The following TBC1D8 variants were observed in gnomAD, a reference collection of about 807,000 sequenced individuals.
TBC1D8 encodes the protein BUB2-like protein 1.
In TBC1D8, 65 loss-of-function variants were observed where a neutral mutation model predicts 118.8. That is an observed-to-expected ratio of 0.55 (90% CI 0.45 to 0.67). The LOEUF is 0.67. Among genes scored for constraint, TBC1D8 ranks in the 30% least tolerant of loss-of-function variants. TBC1D8 has a pLI of 0.00. For missense variants in TBC1D8, 1,376 were observed against 1,471.2 expected (o/e 0.94, Z 1.06); for synonymous variants, 566 against 595.8 (o/e 0.95, Z 0.73).
At chr2:101,141,491 T>C (rs1414608385) in intron 1 of TBC1D8, among the ~76,000 whole-genome samples, 1 of 152,088 alleles carries the variant, frequency 6.6e-6, no homozygotes, top group African/African-American at 2.4e-5. Context: ...GAACGCTGGG[T>C]TGGGGGAGGG....
chr2:101,107,625 A>G (rs1326758093), intron 1 of TBC1D8, among the ~76,000 whole-genome samples: 1 of 152,210 alleles, frequency 6.6e-6, no homozygotes. Context: ...CCTAGAAGCA[A>G]TGAGCACACA....
At chr2:101,037,236 CT>C (rs1458274611) in intron 8 of TBC1D8, among the ~76,000 whole-genome samples, 2 of 152,198 alleles carry the variant, frequency 1.3e-5, no homozygotes, top group African/African-American at 4.8e-5. Flanking sequence ...ACAGCACTGG[CT>C]GGAAGGAGAG....
chr2:101,045,563 A>C (rs1681646494), intron 5 of TBC1D8, among the ~76,000 whole-genome samples: 1 of 152,226 alleles, frequency 6.6e-6, no homozygotes, highest in Non-Finnish European at 1.5e-5. Flanking sequence ...GGGACTTCCC[A>C]TGTGTGCACT....
At chr2:101,014,912 C>T (rs1311743216) in intron 17 of TBC1D8, among the ~76,000 whole-genome samples, 1 of 152,142 alleles carries the variant, frequency 6.6e-6, no homozygotes, top group Admixed American at 6.5e-5. Context: ...TTAAACACCT[C>T]CCATTCCATA....
At chr2:101,079,723 T>A (rs1345425851) in intron 2 of TBC1D8, among the ~76,000 whole-genome samples, 23 of 140,718 alleles carry the variant, frequency 1.6e-4, no homozygotes, top group African/African-American at 5.4e-4. Context: ...TCTTGCTCTG[T>A]CGCCCAGGCT....
intron 2 of TBC1D8, among the ~76,000 whole-genome samples, chr2:101,067,911 T>C (rs1376244170): frequency 6.6e-6 from 1 of 152,240 alleles, no homozygotes; most frequent in Non-Finnish European, 1.5e-5. Context: ...AAATCCTTTG[T>C]TGTCATTTCA....
chr2:101,013,979 A>G (rs1402751803), intron 17 of TBC1D8, among the ~76,000 whole-genome samples: 1 of 152,236 alleles, frequency 6.6e-6, no homozygotes, highest in Non-Finnish European at 1.5e-5. Flanking sequence ...ATTCCAATAC[A>G]GCCAAGTCAT....
rs534689898 is a variant in TBC1D8, at chr2:101,095,522, G to A, written c.128-5158C>T. The stretch of plus-strand genomic sequence containing the variant: ...GCGGTGTTTGGTTTTTTGTCCTTGC[G>A]ATAGTTTGCTGAGAATGATGGTTTC... On this transcript the variant is annotated intron_variant, in intron 1 of 19. Coordinates refer to ENST00000409318, the MANE Select transcript of TBC1D8 (RefSeq NM_001330348.2). Among the ~76,000 whole-genome samples the A allele has an allele frequency of 9.3e-5, 14 of 150,552 alleles. No homozygotes were observed. In the East Asian group the frequency reaches 2.0e-3, roughly 21 times the overall value.
Position 101,086,963 on chromosome 2 carries a change from T to C in TBC1D8, c.283+3246A>G, listed in dbSNP as rs540869672. ...CACCCCTGGCTAATTTCTGTACTTT[T>C]AGTAGAGATGGGGTTTCCCCATGTT... On this transcript the variant is annotated intron_variant, in intron 2 of 19. Transcript: ENST00000409318. Among the ~76,000 whole-genome samples the C allele has an allele frequency of 4.6e-5, 7 of 151,934 alleles. No homozygotes were observed. The South Asian group carries it at 1.2e-3, about 27-fold the overall frequency.
At chr2:101,017,945 C>T in intron 17 of TBC1D8, 3 of 1,549,958 alleles carry the variant, frequency 1.9e-6, no homozygotes, top group Non-Finnish European at 2.6e-6. Flanking sequence ...GCATTTTCTT[C>T]TCTACTTGGT....
chr2:101,109,538 T>TCCGTCCTTTTA (rs1215108676), intron 1 of TBC1D8, among the ~76,000 whole-genome samples: 1 of 152,124 alleles, frequency 6.6e-6, no homozygotes, highest in African/African-American at 2.4e-5. Flanking sequence ...CCCTACTTAG[T>TCCGTCCTTTTA]CCGTCCTTTT....
At chr2:101,123,080 AGAGCAGGAAACT>A (rs1678199241) in intron 1 of TBC1D8, among the ~76,000 whole-genome samples, 1 of 152,200 alleles carries the variant, frequency 6.6e-6, no homozygotes, top group Non-Finnish European at 1.5e-5. Flanking sequence ...TACCTAAAAC[AGAGCAGGAAACT>A]GGGCATGGTG....
At chr2:101,054,672 C>CTTTCTTTTTTTTTTTTTTTTTT (rs1682299045) in intron 3 of TBC1D8, among the ~76,000 whole-genome samples, 1 of 25,436 alleles carries the variant, frequency 3.9e-5, no homozygotes, top group East Asian at 1.5e-3. Flanking sequence ...CTTTTCTTTT[C>CTTTCTTTTTTTTTTTTTTTTTT]TTTTTTTTTT....
At chr2:101,116,001 A>G (rs772134401) in intron 1 of TBC1D8, among the ~76,000 whole-genome samples, 1 of 152,240 alleles carries the variant, frequency 6.6e-6, no homozygotes, top group Non-Finnish European at 1.5e-5. Flanking sequence ...GCTGATTATT[A>G]CCAAAGCTCT....
chr2:101,017,343 A>G (rs929058475), intron 17 of TBC1D8, among the ~76,000 whole-genome samples: 1 of 152,166 alleles, frequency 6.6e-6, no homozygotes, highest in Non-Finnish European at 1.5e-5. Flanking sequence ...TAAACCAATA[A>G]CATTCATTAT....
Position 101,008,110 on chromosome 2 carries a change from C to G in TBC1D8, c.3179G>C (p.Gly1060Ala). ...SSSGSCSQEC[G>A]EELRASAPSP... Reference sequence around the variant, plus strand: ...AGGAGCTGAAGCCCGCAGCTCCTCCCCACACTCCTGGGAGCAGCTTCCAGA... The same window carrying G: ...AGGAGCTGAAGCCCGCAGCTCCTCCGCACACTCCTGGGAGCAGCTTCCAGA... Residue 1060 changes from glycine to alanine, a missense_variant, in exon 20 of 20, where the codon GGG (glycine) becomes GCG (alanine). By Grantham distance (60) the Gly-to-Ala change is moderately conservative. Coordinates refer to ENST00000409318, the MANE Select transcript of TBC1D8 (RefSeq NM_001330348.2). 1.2e-6 allele frequency: 2 copies of G among 1,613,862 alleles called. No individual in the cohort carries two copies. The highest frequency in any genetic ancestry group is 2.2e-5 in the South Asian group (2 of 91,072).
At chr2:101,131,140 T>C (rs973759562) in intron 1 of TBC1D8, among the ~76,000 whole-genome samples, 4 of 152,158 alleles carry the variant, frequency 2.6e-5, no homozygotes, top group African/African-American at 9.7e-5. Context: ...TTGGCTTAAG[T>C]CATCCTCCCA....
intron 5 of TBC1D8, among the ~76,000 whole-genome samples, chr2:101,049,342 A>G (rs186101147): frequency 6.6e-6 from 1 of 152,344 alleles, no homozygotes; most frequent in African/African-American, 2.4e-5. Flanking sequence ...GACTTACACT[A>G]TTAGTGAGGC....
At chr2:101,059,348 G>A (rs933639702) in intron 3 of TBC1D8, 73 bp downstream of exon 3, 11 of 1,198,634 alleles carry the variant, frequency 9.2e-6, no homozygotes, top group Non-Finnish European at 1.3e-5. Context: ...CTGTTAGTAT[G>A]CTACAGTGTT....
Sources: allele counts gnomAD v4.1 joint callset (sites outside exome capture counted in the v4.1 genomes callset), GRCh38; gene constraint gnomAD v4.1.1; transcripts MANE v1.5; gene names NCBI Gene and HGNC (gene_info 2026-07-23, HGNC 2026-07-21).